PFKFB2: variants seen among roughly 807,000 people sequenced by gnomAD.
PFKFB2 encodes the protein 6-phosphofructo-2-kinase/fructose-2,6-bisphosphatase 2.
A neutral mutation model predicts 68.0 loss-of-function variants in PFKFB2; 53 were observed. The ratio of observed to expected loss-of-function variants is 0.78; its 90% confidence interval spans 0.63 to 0.98. The LOEUF (loss-of-function observed/expected upper bound fraction) is 0.98. Among genes scored for constraint, PFKFB2 ranks in the 50% least tolerant of loss-of-function variants. PFKFB2 has a pLI of 0.00. For synonymous variants in PFKFB2, 222 were observed against 227.6 expected (o/e 0.98, Z 0.22); for missense variants, 451 against 642.0 (o/e 0.70, Z 3.22).
rs759536427 is a variant in PFKFB2 at position 207,071,495 on chromosome 1, C to A, written c.1286-14C>A. ...CCTTTTTCTTTAAGTCCTCTCTTTC[C>A]TCTGTTTTCTCAGGGTGCAAAGTGG... On this transcript the variant is annotated splice_polypyrimidine_tract_variant and intron_variant, in intron 13 of 14. Transcript: ENST00000367080. 6.2e-7 allele frequency: 1 copy of A among 1,609,564 alleles called. No homozygotes were observed.
chr1:207,076,252 CTTTTTTTTTTTT>C lies in PFKFB2; in HGVS notation c.*3886_*3897del, dbSNP rs568062478. On this transcript the variant is annotated 3_prime_UTR_variant, in exon 15 of 15. Transcript: ENST00000367080. ...AATTCATCTATGTTACTTTTTTTTT[CTTTTTTTTTTTT>C]TTTTATGAGCAGGAGATCTTAATTG... 1.5e-6 allele frequency: 1 copy of C among 657,340 alleles called. No individual in the cohort carries two copies. Among genetic ancestry groups the C allele is most frequent in the South Asian group, 6.9e-5 (1 of 14,498 alleles). The allele number at this position is 657,340 out of a possible 1,614,324, so 40.7% of individuals were successfully genotyped here. A position where few individuals can be genotyped will look rare whatever the true frequency, so the allele number is the denominator to read the frequency against.
At chr1:207,048,912 G>A, upstream of PFKFB2, 1 of 1,026,678 alleles carries the variant, frequency 9.7e-7, no homozygotes. Context: ...TAAAAGGATG[G>A]TTCAAGCATT....
At position 207,072,651 on chromosome 1, in the gene PFKFB2, A is replaced by G; in HGVS notation, c.*280A>G. 1 of 1,207,806 alleles carries G rather than the reference A, an allele frequency of 8.3e-7. No homozygotes were observed. The allele number at this position is 1,207,806 out of a possible 1,614,324, so 74.8% of individuals were successfully genotyped here. ...ATGGGATGATCTGGAGGAGGAGGAA[A>G]AAGATACACTCCCTTGGGGCTGAGC... On this transcript the variant is annotated 3_prime_UTR_variant, in exon 15 of 15. Coordinates refer to ENST00000367080, the MANE Select transcript of PFKFB2 (RefSeq NM_006212.2).
intron 2 of PFKFB2, 67 bp from the exon 3 acceptor site, chr1:207,061,886 A>C: frequency 6.9e-7 from 1 of 1,444,600 alleles, no homozygotes. Flanking sequence ...GTCTCAAAAA[A>C]ACAAACACCA....
chr1:207,044,811 GC>G (rs1001459953), intron 2 of PFKFB2: 1 of 152,344 alleles, frequency 6.6e-6, no homozygotes, highest in African/African-American at 2.4e-5. Flanking sequence ...TGTCTTCTTG[GC>G]CCTTTTCTCC....
intron 2 of PFKFB2, among the ~76,000 whole-genome samples, chr1:207,061,570 C>T (rs964328270): frequency 3.3e-5 from 5 of 152,104 alleles, no homozygotes; most frequent in Non-Finnish European, 5.9e-5. Flanking sequence ...CTATGAAGTT[C>T]GTAGCTCAGT....
rs759267876 is a variant in PFKFB2 at position 207,054,829 on chromosome 1, G to GCT, written c.85+35_85+36dup. 11 of 1,448,854 alleles carry GCT rather than the reference G, an allele frequency of 7.6e-6. No homozygotes were observed. In the African/African-American group the frequency reaches 1.4e-4, roughly 18 times the overall value. 89.7% of individuals were successfully genotyped at this position (1,448,854 alleles called of 1,614,324 possible). On this transcript the variant is annotated intron_variant, in intron 2 of 14. Coordinates refer to ENST00000367080, the MANE Select transcript of PFKFB2 (RefSeq NM_006212.2). ...TGAGTTCTGGCAGAGAGGAGGGACT[G>GCT]CTCTCTCTCAGCATTTTATCTTGGG... is the stretch of plus-strand genomic sequence containing the variant.
chr1:207,045,420 G>A (rs1558052458), intron 2 of PFKFB2: 1 of 152,478 alleles, frequency 6.6e-6, no homozygotes, highest in Non-Finnish European at 1.5e-5. Context: ...CTTTGATTAA[G>A]AAGAGCTGAT....
upstream of PFKFB2, chr1:207,049,124 G>A (rs774581441): frequency 1.1e-5 from 17 of 1,613,816 alleles, no homozygotes; most frequent in Middle Eastern, 1.6e-4. Flanking sequence ...AGGGTGAAGC[G>A]GTTGACATCA....
intron 10 of PFKFB2, 62 bp from the exon 11 acceptor site, chr1:207,069,362 T>G: frequency 9.2e-7 from 1 of 1,087,122 alleles, no homozygotes; most frequent in African/African-American, 1.6e-5. Flanking sequence ...CTTCCTTATT[T>G]GGGATGGGGC....
intron 14 of PFKFB2, 47 bp from the exon 15 acceptor site, chr1:207,072,157 T>G: frequency 6.2e-7 from 1 of 1,601,398 alleles, no homozygotes; most frequent in African/African-American, 1.3e-5. Context: ...ATGAGTGAGC[T>G]TTTGGCTTGG....
At chr1:207,036,753 T>G (rs1348310005) in intron 1 of PFKFB2, among the ~76,000 whole-genome samples, 1 of 152,208 alleles carries the variant, frequency 6.6e-6, no homozygotes, top group Non-Finnish European at 1.5e-5. Flanking sequence ...CCATTGTGTG[T>G]GCTCTGAATC....
intron 8 of PFKFB2, among the ~76,000 whole-genome samples, chr1:207,066,601 G>A (rs931671436): frequency 6.6e-6 from 1 of 152,112 alleles, no homozygotes; most frequent in African/African-American, 2.4e-5. Flanking sequence ...GGTGATGCGT[G>A]ATTTGCATCC....
chr1:207,076,224 A>G lies in PFKFB2; in HGVS notation c.*3853A>G. 3.1e-6 allele frequency: 3 copies of G among 979,812 alleles called. No individual in the cohort carries two copies. Among genetic ancestry groups the G allele is most frequent in the Non-Finnish European group, 2.4e-6 (2 of 825,024 alleles). 60.7% of individuals were successfully genotyped at this position (979,812 alleles called of 1,614,324 possible). On this transcript the variant is annotated 3_prime_UTR_variant, in exon 15 of 15. Coordinates refer to ENST00000367080, the MANE Select transcript of PFKFB2 (RefSeq NM_006212.2). ...AAACATATGATATAGCTGTTTGGAA[A>G]TAAATTCATCTATGTTACTTTTTTT...
chr1:207,049,054 T>C (rs1265655896), upstream of PFKFB2: 1 of 1,613,884 alleles, frequency 6.2e-7, no homozygotes, highest in African/African-American at 1.3e-5. Context: ...GCCTGTCTCC[T>C]TGGCATGTTC....
At position 207,071,201 on chromosome 1, in the gene PFKFB2, CT is replaced by C; in HGVS notation, c.1238del (p.Leu413Ter). 6.2e-7 allele frequency: 1 copy of C among 1,613,772 alleles called. No individual in the cohort carries two copies. The highest frequency in any genetic ancestry group is 2.2e-5 in the East Asian group (1 of 44,884). On this transcript the variant is annotated frameshift_variant, in exon 13 of 15. Coordinates refer to ENST00000367080, the MANE Select transcript of PFKFB2 (RefSeq NM_006212.2). LOFTEE classifies it high-confidence loss of function. ...LDKGADELPY[L>X]RCPLHTIFKL... ...TTCTGTTTTCAGATGAGCTACCATA[CT>C]TGAGATGCCCTCTCCATACCATCTT...
rs1226489020 is a variant in PFKFB2, at chr1:207,074,876, T to C, written c.*2505T>C. On this transcript the variant is annotated 3_prime_UTR_variant, in exon 15 of 15. Coordinates refer to ENST00000367080, the MANE Select transcript of PFKFB2 (RefSeq NM_006212.2). ...CCTGACTTTTCTGTTGTCCTATGGC[T>C]ATGAGACTACAGGGGTTGGGGGATG... 1.0e-6 allele frequency: 1 copy of C among 985,360 alleles called. No homozygotes were observed. Among genetic ancestry groups the C allele is most frequent in the Non-Finnish European group, 1.2e-6 (1 of 829,944 alleles). 61.0% of individuals were successfully genotyped at this position (985,360 alleles called of 1,614,324 possible).
At chr1:207,040,335 C>T (rs188204859) in intron 1 of PFKFB2, among the ~76,000 whole-genome samples, 1 of 152,224 alleles carries the variant, frequency 6.6e-6, no homozygotes, top group Admixed American at 6.5e-5. Flanking sequence ...GACATCTGCT[C>T]CAATACCTCA....
Position 207,064,554 on chromosome 1 carries a change from T to TCCCC in PFKFB2, c.508-481_508-478dup, listed in dbSNP as rs1191922893. 5.8e-4 allele frequency among the ~76,000 whole-genome samples: 88 copies of TCCCC among 152,196 alleles called. 4 individuals carry two copies. Among genetic ancestry groups the TCCCC allele is most frequent in the Non-Finnish European group, 2.9e-5 (2 of 68,042 alleles). On this transcript the variant is annotated intron_variant, in intron 7 of 14. Transcript: ENST00000367080. ...CCTGTGGGGTCACAATGTAAGCCAGTCCCCATTGGATGGGTTGTGCTCTGC... is the reference window on the plus strand; with the variant it reads ...CCTGTGGGGTCACAATGTAAGCCAGTCCCCCCCCATTGGATGGGTTGTGCTCTGC...
Sources: allele counts gnomAD v4.1 joint callset (sites outside exome capture counted in the v4.1 genomes callset), GRCh38; gene constraint gnomAD v4.1.1; transcripts MANE v1.5; gene names NCBI Gene and HGNC (gene_info 2026-07-23, HGNC 2026-07-21).